CSMD1: variants seen among roughly 807,000 people sequenced by gnomAD.
CSMD1 encodes CUB and sushi domain-containing protein 1.
A neutral mutation model predicts 417.5 loss-of-function variants in CSMD1; 213 were observed. The observed-to-expected ratio is 0.51, with a 90% confidence interval of 0.46 to 0.57. The LOEUF (loss-of-function observed/expected upper bound fraction) is 0.57, where lower values mean the gene tolerates loss of function less well. Ranked by LOEUF, CSMD1 falls within the 20% of genes least tolerant of loss-of-function variation. CSMD1 has a pLI of 0.00. For missense variants in CSMD1, 6,923 were observed against 4,529.7 expected (o/e 1.53, Z -15.17); for synonymous variants, 2,862 against 1,736.8 (o/e 1.65, Z -16.11).
At chr8:4,178,951 T>C (rs1798203416) in intron 3 of CSMD1, among the ~76,000 whole-genome samples, 1 of 152,082 alleles carries the variant, frequency 6.6e-6, no homozygotes, top group African/African-American at 2.4e-5. Flanking sequence ...TGGAAGAACA[T>C]TCCATGCTCA....
At chr8:4,889,415 C>G (rs1803960372) in intron 1 of CSMD1, among the ~76,000 whole-genome samples, 1 of 152,046 alleles carries the variant, frequency 6.6e-6, no homozygotes, top group Non-Finnish European at 1.5e-5. Context: ...AGCCTGAATC[C>G]TGGCTGGGAA....
intron 3 of CSMD1, among the ~76,000 whole-genome samples, chr8:4,182,922 T>A (rs976058286): frequency 1.3e-5 from 2 of 152,048 alleles, no homozygotes; most frequent in South Asian, 2.1e-4. Flanking sequence ...AGACGGTGGA[T>A]AGAATCTCAA....
intron 1 of CSMD1, among the ~76,000 whole-genome samples, chr8:4,764,881 A>AAAAACAAAAAAAAAAACAAAACAAAAC (rs1563326749): frequency 2.3e-4 from 11 of 48,026 alleles, no homozygotes; most frequent in African/African-American, 1.1e-3. Context: ...TCAAAAAAAA[A>AAAAACAAAAAAAAAAACAAAACAAAAC]AAAAAAAAAA....
At chr8:4,197,337 G>A (rs532459968) in intron 3 of CSMD1, among the ~76,000 whole-genome samples, 19 of 152,226 alleles carry the variant, frequency 1.2e-4, no homozygotes, top group Admixed American at 1.2e-3. Flanking sequence ...GCCATAGGAT[G>A]CCCAGATATT....
At chr8:4,879,590 G>C (rs552970048) in intron 1 of CSMD1, among the ~76,000 whole-genome samples, 1 of 152,062 alleles carries the variant, frequency 6.6e-6, no homozygotes, top group African/African-American at 2.4e-5. Context: ...AAACGAAGAA[G>C]AAAATAAGGA....
intron 10 of CSMD1, among the ~76,000 whole-genome samples, chr8:3,535,967 A>C (rs10093437): frequency 0.051 from 7,796 of 152,234 alleles, 505 homozygotes; most frequent in African/African-American, 0.15. Context: ...GTTATATGAC[A>C]GAGGGCCATC....
At chr8:4,025,946 A>T (rs543147882) in intron 4 of CSMD1, among the ~76,000 whole-genome samples, 1 of 151,928 alleles carries the variant, frequency 6.6e-6, no homozygotes, top group Admixed American at 6.6e-5. Context: ...TAAATTATAA[A>T]CTTTTATAAC....
At chr8:4,489,100 C>T (rs760382296) in intron 2 of CSMD1, among the ~76,000 whole-genome samples, 9 of 152,054 alleles carry the variant, frequency 5.9e-5, no homozygotes, top group Admixed American at 1.3e-4. Context: ...TTAGTAGAGA[C>T]GGGGTTTCAC....
intron 5 of CSMD1, among the ~76,000 whole-genome samples, chr8:3,808,591 T>G (rs935285524): frequency 2.0e-5 from 3 of 152,184 alleles, no homozygotes; most frequent in Non-Finnish European, 2.9e-5. Context: ...TGAAAATAAT[T>G]GCACACTGCT....
intron 24 of CSMD1, among the ~76,000 whole-genome samples, 154 bp from the exon 25 acceptor site, chr8:3,307,975 T>C (rs1805014866): frequency 6.6e-6 from 1 of 152,170 alleles, no homozygotes; most frequent in South Asian, 2.1e-4. Context: ...TCAATATTTC[T>C]TCCAAATCAT....
chr8:4,892,127 T>C (rs530627579), intron 1 of CSMD1, among the ~76,000 whole-genome samples: 6 of 152,206 alleles, frequency 3.9e-5, no homozygotes, highest in African/African-American at 1.4e-4. Context: ...AGGGAAATTT[T>C]TTTTCCCATT....
At chr8:4,419,241 G>C (rs568439679) in intron 3 of CSMD1, among the ~76,000 whole-genome samples, 11 of 152,090 alleles carry the variant, frequency 7.2e-5, no homozygotes, top group Admixed American at 1.3e-4. Flanking sequence ...CTTGTATTAC[G>C]TGTAAAAGGC....
chr8:3,367,838 G>A (rs917800851), intron 19 of CSMD1, among the ~76,000 whole-genome samples: 1 of 152,044 alleles, frequency 6.6e-6, no homozygotes, highest in African/African-American at 2.4e-5. Flanking sequence ...TGTTTACAAT[G>A]GGTTTCATTT....
chr8:4,713,325 G>T (rs1358617368), intron 1 of CSMD1, among the ~76,000 whole-genome samples: 10 of 152,176 alleles, frequency 6.6e-5, no homozygotes, highest in African/African-American at 2.2e-4. Flanking sequence ...CCCATCCGGT[G>T]GTGTGGTGTC....
chr8:4,218,827 C>T (rs1800848865), intron 3 of CSMD1, among the ~76,000 whole-genome samples: 1 of 152,146 alleles, frequency 6.6e-6, no homozygotes, highest in African/African-American at 2.4e-5. Flanking sequence ...TCCTTTTATT[C>T]TGACAATTAT....
intron 3 of CSMD1, among the ~76,000 whole-genome samples, chr8:4,324,440 G>C (rs142155019): frequency 7.2e-5 from 11 of 152,318 alleles, no homozygotes; most frequent in African/African-American, 2.2e-4. Flanking sequence ...CCTAGCCTTT[G>C]TCAGTGAACA....
intron 3 of CSMD1, among the ~76,000 whole-genome samples, chr8:4,165,181 C>T (rs1797385265): frequency 6.6e-6 from 1 of 152,106 alleles, no homozygotes; most frequent in Non-Finnish European, 1.5e-5. Context: ...TACGCCTAGC[C>T]AGTAACTATC....
intron 27 of CSMD1, among the ~76,000 whole-genome samples, chr8:3,229,358 A>G (rs1798695389): frequency 6.6e-6 from 1 of 152,236 alleles, no homozygotes. Context: ...TACGAATTTT[A>G]TTAGTAGAAT....
chr8:3,989,102 C>T (rs751089703), intron 5 of CSMD1, among the ~76,000 whole-genome samples: 5 of 152,140 alleles, frequency 3.3e-5, no homozygotes, highest in African/African-American at 7.2e-5. Flanking sequence ...CAGCAGTAAA[C>T]GTGCAGCTAG....
Sources: gnomAD v4.1 joint callset for allele counts (sites outside exome capture counted in the v4.1 genomes callset) on GRCh38, gnomAD v4.1.1 for gene constraint, MANE v1.5 for transcripts, NCBI Gene and HGNC (gene_info 2026-07-23, HGNC 2026-07-21) for gene names.